ENPP6: variants seen among roughly 807,000 people sequenced by gnomAD.
ENPP6 encodes the protein ectonucleotide pyrophosphatase/phosphodiesterase 6.
A neutral mutation model predicts 42.0 loss-of-function variants in ENPP6; 32 were observed. The ratio of observed to expected loss-of-function variants is 0.76; its 90% CI spans 0.58 to 1.02. The LOEUF is 1.02. ENPP6 is among the 50% of genes least tolerant of loss of function. The probability of loss-of-function intolerance (pLI) is 0.00; values close to 1 mark genes in which losing one functional copy is unlikely to be tolerated. For missense variants in ENPP6, 552 were observed against 566.8 expected (o/e 0.97, Z 0.27); for synonymous variants, 213 against 216.0 (o/e 0.99, Z 0.12).
At chr4:184,176,535 C>T (rs958660873) in intron 1 of ENPP6, among the ~76,000 whole-genome samples, 12 of 152,012 alleles carry the variant, frequency 7.9e-5, no homozygotes, top group Non-Finnish European at 1.0e-4. Flanking sequence ...TCCAGTGGGC[C>T]GCAGTGAGCA....
chr4:184,175,726 T>G (rs2141778), intron 1 of ENPP6, among the ~76,000 whole-genome samples: 128,803 of 152,038 alleles, frequency 0.85, 55,857 homozygotes, highest in East Asian at 1. Context: ...ACCAAGCGTG[T>G]TCTTTATTCT....
intron 1 of ENPP6, among the ~76,000 whole-genome samples, chr4:184,195,135 CTTTTA>C (rs1450041712): frequency 2.0e-5 from 3 of 151,824 alleles, no homozygotes; most frequent in African/African-American, 7.3e-5. Context: ...TTTTTTGTAA[CTTTTA>C]TTTTAAGTTC....
chr4:184,138,078 A>AT (rs1461635554), intron 2 of ENPP6, among the ~76,000 whole-genome samples: 2 of 152,226 alleles, frequency 1.3e-5, no homozygotes, highest in African/African-American at 4.8e-5. Flanking sequence ...AATTTTAGAA[A>AT]TTATCTTTAC....
chr4:184,112,023 C>T (rs1003529511), intron 6 of ENPP6, among the ~76,000 whole-genome samples: 3 of 152,164 alleles, frequency 2.0e-5, no homozygotes, highest in African/African-American at 7.2e-5. Flanking sequence ...CCTTCAAATT[C>T]CTAAAATAAC....
chr4:184,155,727 G>A (rs1416568464), intron 1 of ENPP6, among the ~76,000 whole-genome samples: 6 of 152,150 alleles, frequency 3.9e-5, no homozygotes, highest in African/African-American at 1.4e-4. Context: ...TTCACATGAT[G>A]TAGTTTTCAC....
intron 6 of ENPP6, among the ~76,000 whole-genome samples, chr4:184,109,047 C>T (rs776347709): frequency 2.0e-5 from 3 of 152,156 alleles, no homozygotes. Context: ...CCCATCTCCA[C>T]TAAAAATACA....
intron 1 of ENPP6, 42 bp from the exon 2 acceptor site, chr4:184,153,775 G>C: frequency 6.3e-7 from 1 of 1,580,736 alleles, no homozygotes; most frequent in Non-Finnish European, 8.6e-7. Flanking sequence ...CGGTTCTGGT[G>C]GTTTCTATTT....
At chr4:184,157,774 A>ATTTTTTT (rs34358499) in intron 1 of ENPP6, among the ~76,000 whole-genome samples, 5 of 122,356 alleles carry the variant, frequency 4.1e-5, no homozygotes, top group Non-Finnish European at 4.9e-5. Flanking sequence ...AACTTGGCTA[A>ATTTTTTT]TTTTTTTTTT....
Position 184,130,514 on chromosome 4 carries a change from C to T in ENPP6, c.422-6242G>A, listed in dbSNP as rs565198400. On this transcript the variant is annotated intron_variant, in intron 2 of 7. Coordinates refer to ENST00000296741, the MANE Select transcript of ENPP6 (RefSeq NM_153343.4). ...CGGAGCTTGCAGTGAGCCGAGATCA[C>T]ACCACTGCACTCCAGCCTGGGCCAC... Among the ~76,000 whole-genome samples, 2 of 77,652 alleles carry T rather than the reference C, an allele frequency of 2.6e-5. 1 individual carries two copies. The highest frequency in any genetic ancestry group is 8.7e-4 in the South Asian group (2 of 2,304). The allele number at this position is 77,652 out of a possible 152,430, so 50.9% of individuals were successfully genotyped here.
chr4:184,130,762 C>T (rs1736592997), intron 2 of ENPP6, among the ~76,000 whole-genome samples: 1 of 151,760 alleles, frequency 6.6e-6, no homozygotes. Flanking sequence ...CTTATTATTA[C>T]TTATCTTAAT....
At chr4:184,092,300 A>G (rs11935732) in intron 7 of ENPP6, among the ~76,000 whole-genome samples, 10,789 of 151,716 alleles carry the variant, frequency 0.071, 1,104 homozygotes, top group African/African-American at 0.22. Context: ...TGAGTGGAAC[A>G]CTCTTTGGGA....
chr4:184,103,936 G>A (rs1372973067), intron 6 of ENPP6, among the ~76,000 whole-genome samples: 2 of 152,162 alleles, frequency 1.3e-5, no homozygotes, highest in Non-Finnish European at 2.9e-5. Flanking sequence ...GCAGGGATCT[G>A]GCGACGCAGA....
At chr4:184,196,896 C>T (rs1037949972) in intron 1 of ENPP6, among the ~76,000 whole-genome samples, 2 of 152,170 alleles carry the variant, frequency 1.3e-5, no homozygotes, top group Non-Finnish European at 2.9e-5. Context: ...AGTCTGATGT[C>T]CCCTGAGGGA....
chr4:184,120,490 A>T (rs554516459), intron 3 of ENPP6, among the ~76,000 whole-genome samples: 2 of 152,126 alleles, frequency 1.3e-5, no homozygotes, highest in South Asian at 4.1e-4. Flanking sequence ...ACAAGCCTGG[A>T]AGCAGTTGTC....
intron 3 of ENPP6, among the ~76,000 whole-genome samples, chr4:184,121,010 G>T (rs11943396): frequency 2.6e-5 from 4 of 152,140 alleles, no homozygotes; most frequent in African/African-American, 9.7e-5. Flanking sequence ...ACCACTGGCT[G>T]GCTTGTGAGG....
chr4:184,169,832 A>G (rs917179030), intron 1 of ENPP6, among the ~76,000 whole-genome samples: 7 of 152,236 alleles, frequency 4.6e-5, no homozygotes, highest in African/African-American at 1.7e-4. Context: ...TTAGTTTAAA[A>G]ATTATCTATG....
At chr4:184,200,055 C>T (rs1032667884) in intron 1 of ENPP6, among the ~76,000 whole-genome samples, 3 of 152,198 alleles carry the variant, frequency 2.0e-5, no homozygotes, top group Admixed American at 1.3e-4. Context: ...AGTGATGACA[C>T]CTGCTGCTGC....
intron 1 of ENPP6, among the ~76,000 whole-genome samples, chr4:184,205,960 G>A (rs1270099170): frequency 2.0e-5 from 3 of 152,156 alleles, no homozygotes; most frequent in Non-Finnish European, 4.4e-5. Context: ...TCCCAGCCAG[G>A]GAACTAAGGC....
intron 2 of ENPP6, among the ~76,000 whole-genome samples, chr4:184,134,711 ATG>A (rs1736703653): frequency 6.6e-6 from 1 of 150,398 alleles, no homozygotes; most frequent in African/African-American, 2.5e-5. Context: ...TCTTTGTTGT[ATG>A]TTTATTTTCT....
Sources: gnomAD v4.1 joint callset for allele counts (sites outside exome capture counted in the v4.1 genomes callset) on GRCh38, gnomAD v4.1.1 for gene constraint, MANE v1.5 for transcripts, NCBI Gene and HGNC (gene_info 2026-07-23, HGNC 2026-07-21) for gene names.